MITF: variants seen among roughly 807,000 people sequenced by gnomAD.
The protein encoded by MITF is microphthalmia-associated transcription factor.
In MITF, 17 loss-of-function variants were observed where a neutral mutation model predicts 60.5. That is an observed-to-expected ratio of 0.28 (90% confidence interval 0.19 to 0.42). The LOEUF (loss-of-function observed/expected upper bound fraction) is 0.42. Among genes scored for constraint, MITF ranks in the 10% least tolerant of loss-of-function variants. The pLI, the probability that MITF is intolerant of heterozygous loss-of-function variation, is 1.00. For missense variants in MITF, 622 were observed against 683.5 expected, an observed-to-expected ratio of 0.91 and a Z score of 1.00; for synonymous variants, 260 against 248.5, an observed-to-expected ratio of 1.05 and a Z score of -0.43.
In MITF at chr3:69,796,494, C is replaced by CTTTTTT. The variant is rs767834091; in HGVS notation, c.104+56811_104+56816dup. ...TGTGAAGCTTACAAACACCGTCTTT[C>CTTTTTT]TTTTTTTTTTTTTTTTTTTTTTTGA... On this transcript the variant is annotated intron_variant, in intron 1 of 9. Transcript: ENST00000352241. 6.1e-4 allele frequency among the ~76,000 whole-genome samples: 49 copies of CTTTTTT among 80,308 alleles called. 2 individuals carry two copies. The highest frequency in any genetic ancestry group is 1.4e-3 in the African/African-American group (32 of 22,784). The allele number at this position is 80,308 out of a possible 152,430, so 52.7% of individuals were successfully genotyped here.
chr3:69,903,917 C>T (rs776451268), intron 2 of MITF, among the ~76,000 whole-genome samples: 4 of 151,956 alleles, frequency 2.6e-5, no homozygotes, highest in Non-Finnish European at 4.4e-5. Context: ...TTGTTTTTCC[C>T]GTTGGCAAAA....
intron 1 of MITF, among the ~76,000 whole-genome samples, chr3:69,772,102 A>C (rs2062403633): frequency 6.6e-6 from 1 of 152,184 alleles, no homozygotes; most frequent in Non-Finnish European, 1.5e-5. Context: ...AGTAGCCTGG[A>C]TGCAAACCTT....
At chr3:69,745,867 T>G (rs1012617624) in intron 1 of MITF, among the ~76,000 whole-genome samples, 1 of 152,224 alleles carries the variant, frequency 6.6e-6, no homozygotes, top group African/African-American at 2.4e-5. Context: ...TGGTAGAACT[T>G]TTAAAACTAA....
At chr3:69,961,327 A>G (rs1011409064) in intron 9 of MITF, among the ~76,000 whole-genome samples, 1 of 151,398 alleles carries the variant, frequency 6.6e-6, no homozygotes, top group Non-Finnish European at 1.5e-5. Flanking sequence ...GGTTGCAGTG[A>G]GCCAAGATCG....
chr3:69,965,149 T>C lies in MITF; in HGVS notation c.1482T>C (p.Gly494=), dbSNP rs1239980427. Residue 494 remains glycine (G), a synonymous_variant, in exon 10 of 10, where the codon GGT becomes GGC. Coordinates refer to ENST00000352241, the MANE Select transcript of MITF (RefSeq NM_001354604.2). ...ILMDDTLSPV[G]VTDPLLSSVS... is the part of the protein sequence containing the mutation. ...TGGACGACACCCTTTCTCCCGTCGG[T>C]GTCACTGATCCACTCCTTTCCTCAG... 1.2e-6 allele frequency: 2 copies of C among 1,614,108 alleles called. No individual in the cohort carries two copies. Among genetic ancestry groups the C allele is most frequent in the East Asian group, 2.2e-5 (1 of 44,864 alleles).
At chr3:69,880,594 C>T (rs1302958321) in intron 2 of MITF, among the ~76,000 whole-genome samples, 1 of 151,832 alleles carries the variant, frequency 6.6e-6, no homozygotes, top group East Asian at 1.9e-4. Flanking sequence ...TTTTTTTACC[C>T]GTCAGTTAAC....
chr3:69,919,312 G>A (rs1304657488), intron 2 of MITF, among the ~76,000 whole-genome samples: 1 of 152,186 alleles, frequency 6.6e-6, no homozygotes, highest in Non-Finnish European at 1.5e-5. Flanking sequence ...TTTGAGACAA[G>A]AACTTTGTAG....
intron 1 of MITF, among the ~76,000 whole-genome samples, chr3:69,767,902 G>A (rs951243319): frequency 6.6e-6 from 1 of 152,160 alleles, no homozygotes; most frequent in Non-Finnish European, 1.5e-5. Flanking sequence ...CTGAAGATAG[G>A]TTGTGATTGC....
At chr3:69,763,966 A>T (rs748829372) in intron 1 of MITF, 9 of 1,337,200 alleles carry the variant, frequency 6.7e-6, no homozygotes, top group Non-Finnish European at 7.0e-6. Flanking sequence ...TAACCAAAGT[A>T]CCTCAGTTTA....
rs955669850 is a variant in MITF, at chr3:69,966,466, A to G, written c.*1218A>G. The G allele has an allele frequency of 3.9e-5, 9 of 232,700 alleles. No individual in the cohort carries two copies. The highest frequency in any genetic ancestry group is 7.7e-5 in the Non-Finnish European group (9 of 117,536). The allele number at this position is 232,700 out of a possible 1,614,324, so 14.4% of individuals were successfully genotyped here. On this transcript the variant is annotated 3_prime_UTR_variant, in exon 10 of 10. Transcript: ENST00000352241. Reference sequence around the variant, plus strand: ...AGAATAAACTTACATATTTATTTTTAGGACATGAAAATAGCAATATTCTTG... The same window carrying G: ...AGAATAAACTTACATATTTATTTTTGGGACATGAAAATAGCAATATTCTTG...
At chr3:69,821,648 T>C (rs930529304) in intron 1 of MITF, among the ~76,000 whole-genome samples, 2 of 130,466 alleles carry the variant, frequency 1.5e-5, no homozygotes, top group African/African-American at 5.6e-5. Context: ...AGGCTAATAT[T>C]AGGATCCTAA....
chr3:69,747,113 C>T (rs1217524124), intron 1 of MITF, among the ~76,000 whole-genome samples: 1 of 152,128 alleles, frequency 6.6e-6, no homozygotes, highest in Non-Finnish European at 1.5e-5. Context: ...TTCTCAAGGA[C>T]TGGGTGCTGA....
intron 1 of MITF, among the ~76,000 whole-genome samples, chr3:69,749,985 TGA>T (rs1204438862): frequency 1.3e-5 from 2 of 152,232 alleles, no homozygotes; most frequent in South Asian, 4.1e-4. Flanking sequence ...CAGCAGTGAA[TGA>T]GAGAGTTTGA....
At chr3:69,925,374 C>T (rs765000173) in intron 2 of MITF, among the ~76,000 whole-genome samples, 8 of 152,098 alleles carry the variant, frequency 5.3e-5, no homozygotes, top group Non-Finnish European at 1.0e-4. Flanking sequence ...AGCTGTGTGT[C>T]CCAAGCAGGC....
chr3:69,781,364 A>G (rs2062561002), intron 1 of MITF, among the ~76,000 whole-genome samples: 1 of 152,156 alleles, frequency 6.6e-6, no homozygotes, highest in Non-Finnish European at 1.5e-5. Context: ...GAATACATGC[A>G]ACTAAAATGT....
intron 2 of MITF, among the ~76,000 whole-genome samples, chr3:69,885,827 T>C (rs2064601711): frequency 6.6e-6 from 1 of 152,086 alleles, no homozygotes; most frequent in South Asian, 2.1e-4. Context: ...GAGGCTCCTA[T>C]AGATGTGATG....
chr3:69,785,035 ATTTT>A (rs35217879), intron 1 of MITF, among the ~76,000 whole-genome samples: 1 of 139,620 alleles, frequency 7.2e-6, no homozygotes, highest in Non-Finnish European at 1.6e-5. Flanking sequence ...CTGCAGTTGG[ATTTT>A]TTTTTTTTTT....
chr3:69,766,379 T>A (rs2062294338), intron 1 of MITF, among the ~76,000 whole-genome samples: 1 of 83,830 alleles, frequency 1.2e-5, no homozygotes, highest in Non-Finnish European at 2.6e-5. Context: ...CCAGCTAATT[T>A]TTTTTTTTTT....
chr3:69,814,580 C>T (rs1247389708), intron 1 of MITF, among the ~76,000 whole-genome samples: 3 of 152,114 alleles, frequency 2.0e-5, no homozygotes, highest in East Asian at 1.9e-4. Context: ...CCTCCTACCT[C>T]GGCCTCCCAA....
Sources: gnomAD v4.1 joint callset for allele counts (sites outside exome capture counted in the v4.1 genomes callset) on GRCh38, gnomAD v4.1.1 for gene constraint, MANE v1.5 for transcripts, NCBI Gene and HGNC (gene_info 2026-07-23, HGNC 2026-07-21) for gene names.